UBE4B: variants seen among roughly 807,000 people sequenced by gnomAD.
UBE4B encodes the protein ubiquitin conjugation factor E4 B.
In UBE4B, 27 loss-of-function variants were observed where a neutral mutation model predicts 148.1. The ratio of observed to expected loss-of-function variants is 0.18; its 90% CI spans 0.13 to 0.25. The LOEUF (loss-of-function observed/expected upper bound fraction) is 0.25, where lower values mean the gene tolerates loss of function less well. Among genes scored for constraint, UBE4B ranks in the 10% least tolerant of loss-of-function variants. UBE4B has a pLI of 1.00. For synonymous variants in UBE4B, 596 were observed against 619.3 expected, an observed-to-expected ratio of 0.96 and a Z score of 0.56; for missense variants, 1,170 against 1,662.4, an observed-to-expected ratio of 0.70 and a Z score of 5.15.
chr1:10,160,374 C>A (rs573475406), intron 22 of UBE4B, among the ~76,000 whole-genome samples: 2 of 152,178 alleles, frequency 1.3e-5, no homozygotes, highest in South Asian at 4.1e-4. Flanking sequence ...TGAGTATATG[C>A]GTTTTTCCTG....
intron 23 of UBE4B, among the ~76,000 whole-genome samples, chr1:10,166,968 C>A (rs568493297): frequency 1.9e-3 from 253 of 133,422 alleles, no homozygotes; most frequent in Middle Eastern, 7.0e-3. Context: ...CACACACACA[C>A]ACAAAAAAAA....
In UBE4B at chr1:10,111,044, G is replaced by GACACACACACACACAC. The variant is rs55936075; in HGVS notation, c.1196+4495_1196+4510dup. Among the ~76,000 whole-genome samples the GACACACACACACACAC allele has an allele frequency of 1.4e-3, 161 of 113,436 alleles. 6 individuals are homozygous for GACACACACACACACAC. Among genetic ancestry groups the GACACACACACACACAC allele is most frequent in the African/African-American group, 4.1e-3 (126 of 30,856 alleles). 74.4% of individuals were successfully genotyped at this position (113,436 alleles called of 152,430 possible). On this transcript the variant is annotated intron_variant, in intron 7 of 27. Transcript: ENST00000343090. ...TCTCTCTCTGTCTTTCTCTGTCTCTGACACACACACACACACACACACACA... is the reference window on the plus strand; with the variant it reads ...TCTCTCTCTGTCTTTCTCTGTCTCTGACACACACACACACACACACACACACACACACACACACACA...
intron 16 of UBE4B, 125 bp from the exon 17 acceptor site, chr1:10,136,942 A>G (rs1000789419): frequency 2.8e-5 from 30 of 1,078,994 alleles, no homozygotes; most frequent in Non-Finnish European, 3.2e-5. Context: ...TAAATAAATA[A>G]ACAAATAAAA....
In UBE4B at chr1:10,149,256, T is replaced by C; in HGVS notation, c.2664T>C (p.Val888=). 6.2e-7 allele frequency: 1 copy of C among 1,609,028 alleles called. No homozygotes were observed. The highest frequency in any genetic ancestry group is 8.5e-7 in the Non-Finnish European group (1 of 1,178,738). Residue 888 remains valine, a synonymous_variant, in exon 20 of 28, where the codon GTT becomes GTC. Coordinates refer to ENST00000343090, the MANE Select transcript of UBE4B (RefSeq NM_001105562.3). ...AALPEFYVED[V]AEFLFFIVQY... is the part of the protein sequence containing the mutation. ...TGCCTGAGTTTTATGTAGAAGATGT[T>C]GCAGAATTTTTATTTTTTATTGTAC... is the stretch of plus-strand genomic sequence containing the variant.
Position 10,157,023 on chromosome 1 carries a change from A to C in UBE4B, c.2927-1333A>C, listed in dbSNP as rs1370873148. ...TCTGTAAAAAAATTAAAAGTGAAAA[A>C]AAAAATTTTTGAGACAGAGTCTTGC... On this transcript the variant is annotated intron_variant, in intron 21 of 27. Coordinates refer to ENST00000343090, the MANE Select transcript of UBE4B (RefSeq NM_001105562.3). Among the ~76,000 whole-genome samples the C allele has an allele frequency of 2.6e-5, 4 of 151,898 alleles. No homozygotes were observed. The East Asian group carries it at 7.7e-4, about 29-fold the overall frequency.
chr1:10,080,379 C>T (rs1479030645), intron 2 of UBE4B, among the ~76,000 whole-genome samples: 1 of 150,330 alleles, frequency 6.7e-6, no homozygotes, highest in Non-Finnish European at 1.5e-5. Flanking sequence ...AAGATCCCAC[C>T]ACTGCACTCC....
chr1:10,106,226 C>G lies in UBE4B; in HGVS notation c.839C>G (p.Pro280Arg). 6.2e-7 allele frequency: 1 copy of G among 1,608,026 alleles called. No homozygotes were observed. The highest frequency in any genetic ancestry group is 8.5e-7 in the Non-Finnish European group (1 of 1,175,338). ...SLYESSPAPTPSFWSSVPVMG... is the reference protein window; with the variant it reads ...SLYESSPAPTRSFWSSVPVMG... ...TATGAAAGTAGTCCGGCTCCCACTC[C>G]CAGTTTCTGGAGCTCTGTTCCCGTG... is the stretch of plus-strand genomic sequence containing the variant. The change falls in exon 7 of 28, where the codon CCC becomes CGC. Residue 280 changes from proline (P) to arginine (R), a missense_variant. Transcript: ENST00000343090. This position sits in a 1 kb window ranked among gnomAD's most constrained non-coding sequence, Gnocchi z 4.2.
At position 10,121,458 on chromosome 1, in the gene UBE4B, T is replaced by A. The variant is rs1327962409; in HGVS notation, c.1440-504T>A. Among the ~76,000 whole-genome samples the A allele has an allele frequency of 3.3e-5, 5 of 152,214 alleles. No homozygotes were observed. The South Asian group carries it at 6.2e-4, about 19-fold the overall frequency. ...CAGAATCTCACTCTGTTGTCTAGGC[T>A]GGAGTGCTCACTATAACCTCAAACT... is the stretch of plus-strand genomic sequence containing the variant. On this transcript the variant is annotated intron_variant, in intron 9 of 27. Coordinates refer to ENST00000343090, the MANE Select transcript of UBE4B (RefSeq NM_001105562.3).
chr1:10,043,761 C>A (rs753329446), intron 1 of UBE4B, among the ~76,000 whole-genome samples: 1 of 152,106 alleles, frequency 6.6e-6, no homozygotes, highest in Non-Finnish European at 1.5e-5. Context: ...GTGTAATCAC[C>A]GTTGGCCAGG....
chr1:10,105,857 T>G, intron 6 of UBE4B, 113 bp downstream of exon 6: 3 of 1,084,776 alleles, frequency 2.8e-6, no homozygotes, highest in Non-Finnish European at 3.9e-6. Flanking sequence ...GTATGGCATA[T>G]ATCATATTTG....
intron 1 of UBE4B, among the ~76,000 whole-genome samples, chr1:10,056,714 G>C (rs1040561220): frequency 3.3e-5 from 5 of 152,234 alleles, no homozygotes; most frequent in African/African-American, 1.2e-4. Flanking sequence ...CCTGGCCAGC[G>C]CTAGCTACGC....
At chr1:10,162,375 G>A (rs954600455) in intron 23 of UBE4B, among the ~76,000 whole-genome samples, 12 of 151,902 alleles carry the variant, frequency 7.9e-5, no homozygotes, top group South Asian at 2.1e-4. Context: ...GGGTTTCACC[G>A]TGTTAGCCAG....
At chr1:10,050,323 T>A (rs761569186) in intron 1 of UBE4B, among the ~76,000 whole-genome samples, 4 of 152,148 alleles carry the variant, frequency 2.6e-5, no homozygotes, top group Non-Finnish European at 5.9e-5. Flanking sequence ...CCGCCTGCCT[T>A]GGCCTCCCAA....
intron 15 of UBE4B, among the ~76,000 whole-genome samples, chr1:10,133,462 TATC>T (rs1645629052): frequency 2.0e-5 from 3 of 152,242 alleles, no homozygotes; most frequent in South Asian, 2.1e-4. Flanking sequence ...CTATCATTCT[TATC>T]ATTGTTGTAT....
At chr1:10,138,777 T>C (rs1645737804) in intron 17 of UBE4B, among the ~76,000 whole-genome samples, 1 of 152,186 alleles carries the variant, frequency 6.6e-6, no homozygotes, top group African/African-American at 2.4e-5. Context: ...GAAAATTTCC[T>C]TTTATTTCAA....
chr1:10,127,535 A>G (rs1213362916), intron 11 of UBE4B, among the ~76,000 whole-genome samples: 1 of 152,246 alleles, frequency 6.6e-6, no homozygotes, highest in African/African-American at 2.4e-5. Flanking sequence ...TTTGGGAGAA[A>G]AGTATTTTGA....
intron 2 of UBE4B, among the ~76,000 whole-genome samples, chr1:10,085,312 C>T (rs1156634991): frequency 6.6e-6 from 1 of 152,172 alleles, no homozygotes; most frequent in Admixed American, 6.6e-5. Flanking sequence ...ATATTGTGAT[C>T]CTAAAGAATG....
At chr1:10,139,461 G>T (rs1402520185) in intron 17 of UBE4B, among the ~76,000 whole-genome samples, 1 of 152,032 alleles carries the variant, frequency 6.6e-6, no homozygotes, top group African/African-American at 2.4e-5. Context: ...AGAGTTTATT[G>T]TATAAGAATT....
rs751211114 is a variant in UBE4B, at chr1:10,179,960, G to A, written c.*4G>A. 24 of 1,613,926 alleles carry A rather than the reference G, an allele frequency of 1.5e-5. No individual in the cohort carries two copies. The highest frequency in any genetic ancestry group is 1.0e-4 in the Admixed American group (6 of 59,978). On this transcript the variant is annotated 3_prime_UTR_variant, in exon 28 of 28. Coordinates refer to ENST00000343090, the MANE Select transcript of UBE4B (RefSeq NM_001105562.3). ...GAAACAGAACAGCGATCACTAAACCGTTCCGCCGCCCACCCTCTGCTAGAC... is the reference window on the plus strand; with the variant it reads ...GAAACAGAACAGCGATCACTAAACCATTCCGCCGCCCACCCTCTGCTAGAC...
Sources: allele counts gnomAD v4.1 joint callset (sites outside exome capture counted in the v4.1 genomes callset), GRCh38; gene constraint gnomAD v4.1.1; non-coding constraint Gnocchi (gnomAD v3.1); transcripts MANE v1.5; gene names NCBI Gene and HGNC (gene_info 2026-07-23, HGNC 2026-07-21).